Variants in FHOD3 observed in about 807,000 individuals in gnomAD.
FHOD3 encodes formin homology 2 domain containing 3.
FHOD3 carries 90 observed loss-of-function variants against 173.0 expected under a neutral mutation model. That is an observed-to-expected ratio of 0.52 (90% confidence interval 0.44 to 0.62). The LOEUF is 0.62. Ranked by LOEUF, FHOD3 falls within the 20% of genes least tolerant of loss-of-function variation. The pLI is 0.00. For missense variants in FHOD3, 1,945 were observed against 2,034.7 expected (o/e 0.96, Z 0.85); for synonymous variants, 828 against 823.0 (o/e 1.01, Z -0.10).
chr18:36,584,430 A>G (rs554782937), intron 6 of FHOD3, among the ~76,000 whole-genome samples: 2 of 152,354 alleles, frequency 1.3e-5, no homozygotes, highest in African/African-American at 4.8e-5. Flanking sequence ...ATACTGCAAT[A>G]GCATGAGATG....
chr18:36,573,263 A>G lies in FHOD3; in HGVS notation c.512-3188A>G, dbSNP rs527241044. On this transcript the variant is annotated intron_variant, in intron 5 of 28. Transcript: ENST00000590592. ...TCCAAAGAATATATACTCAATCACA[A>G]TGGTTAATATTTTATGGATTTCCTT... Among the ~76,000 whole-genome samples, 6 of 151,998 alleles carry G rather than the reference A, an allele frequency of 3.9e-5. No homozygotes were observed. The South Asian group carries it at 6.2e-4, about 16-fold the overall frequency.
At chr18:36,748,419 G>A (rs867098437) in intron 24 of FHOD3, among the ~76,000 whole-genome samples, 50 of 121,548 alleles carry the variant, frequency 4.1e-4, no homozygotes, top group African/African-American at 1.5e-3. Flanking sequence ...ACACACACAC[G>A]GAGAGAGAAC....
intron 10 of FHOD3, among the ~76,000 whole-genome samples, chr18:36,639,818 T>TA (rs1368725573): frequency 7.6e-6 from 1 of 131,086 alleles, no homozygotes; most frequent in Non-Finnish European, 1.6e-5. Context: ...TAAAGTGTTT[T>TA]TTTTTTTTTT....
At chr18:36,547,862 C>G (rs987521676) in intron 5 of FHOD3, among the ~76,000 whole-genome samples, 1 of 152,140 alleles carries the variant, frequency 6.6e-6, no homozygotes. Flanking sequence ...AGGATTAAAG[C>G]AGAGGAGTAA....
intron 4 of FHOD3, among the ~76,000 whole-genome samples, chr18:36,510,742 A>T (rs1191386677): frequency 6.6e-6 from 1 of 152,232 alleles, no homozygotes; most frequent in Admixed American, 6.5e-5. Context: ...TCCTTTATAC[A>T]TATGAGTGTA....
At chr18:36,330,152 C>A (rs1025195241) in intron 1 of FHOD3, among the ~76,000 whole-genome samples, 1 of 152,280 alleles carries the variant, frequency 6.6e-6, no homozygotes, top group Non-Finnish European at 1.5e-5. Flanking sequence ...TTAACCAGAC[C>A]TATTAGTTTT....
At chr18:36,323,769 G>A (rs1367975532) in intron 1 of FHOD3, among the ~76,000 whole-genome samples, 1 of 152,120 alleles carries the variant, frequency 6.6e-6, no homozygotes, top group African/African-American at 2.4e-5. Context: ...GACCATCCTC[G>A]ACTACTTCAG....
intron 3 of FHOD3, among the ~76,000 whole-genome samples, chr18:36,398,580 G>A (rs2048660942): frequency 6.6e-6 from 1 of 152,112 alleles, no homozygotes; most frequent in South Asian, 2.1e-4. Context: ...TAGTCTCAAT[G>A]ATTTGTTCCA....
intron 19 of FHOD3, among the ~76,000 whole-genome samples, chr18:36,726,669 CT>C (rs749708394): frequency 3.3e-5 from 5 of 151,918 alleles, no homozygotes; most frequent in Admixed American, 6.6e-5. Flanking sequence ...AAAAGTGCCT[CT>C]TTTTTTTCTT....
At chr18:36,375,802 GA>G (rs2146167293) in intron 3 of FHOD3, among the ~76,000 whole-genome samples, 1 of 152,230 alleles carries the variant, frequency 6.6e-6, no homozygotes, top group South Asian at 2.1e-4. Context: ...CCGGAGGTTG[GA>G]ATGAGATTTT....
chr18:36,655,032 T>C (rs1161575193), intron 13 of FHOD3, among the ~76,000 whole-genome samples: 1 of 149,624 alleles, frequency 6.7e-6, no homozygotes, highest in Non-Finnish European at 1.5e-5. Context: ...AGTTGTGAAC[T>C]GAGCTTCTTT....
chr18:36,779,598 G>C lies in FHOD3; in HGVS notation c.*68G>C. ...GCTCTTGCTGGATGAAACCCCTCCA[G>C]GTGGGGTTGGGGAGACTTGATATTC... On this transcript the variant is annotated 3_prime_UTR_variant, in exon 29 of 29. Coordinates refer to ENST00000590592, the MANE Select transcript of FHOD3 (RefSeq NM_001281740.3). 5 of 1,410,170 alleles carry C rather than the reference G, an allele frequency of 3.5e-6. No individual in the cohort carries two copies. The highest frequency in any genetic ancestry group is 5.0e-6 in the Non-Finnish European group (5 of 998,140). The allele number at this position is 1,410,170 out of a possible 1,614,324, so 87.4% of individuals were successfully genotyped here.
chr18:36,487,481 T>C (rs1305336410), intron 3 of FHOD3, among the ~76,000 whole-genome samples: 1 of 152,190 alleles, frequency 6.6e-6, no homozygotes, highest in Non-Finnish European at 1.5e-5. Flanking sequence ...CCTGCCCACT[T>C]CTCTGTATGG....
At chr18:36,632,978 G>A (rs922621233) in intron 10 of FHOD3, among the ~76,000 whole-genome samples, 1 of 152,230 alleles carries the variant, frequency 6.6e-6, no homozygotes, top group Non-Finnish European at 1.5e-5. Context: ...TTTGGCCTTT[G>A]ACTTGGGGTT....
chr18:36,450,421 C>T (rs2051763799), intron 3 of FHOD3, among the ~76,000 whole-genome samples: 1 of 151,498 alleles, frequency 6.6e-6, no homozygotes, highest in African/African-American at 2.4e-5. Context: ...AGTGTTAGAC[C>T]AGTAGCATTT....
chr18:36,413,529 T>C (rs2146935533), intron 3 of FHOD3, among the ~76,000 whole-genome samples: 1 of 152,314 alleles, frequency 6.6e-6, no homozygotes, highest in Non-Finnish European at 1.5e-5. Flanking sequence ...CTGCTTTCCT[T>C]GTGGATTGCA....
At chr18:36,656,944 C>T (rs2036468333) in intron 13 of FHOD3, among the ~76,000 whole-genome samples, 1 of 152,148 alleles carries the variant, frequency 6.6e-6, no homozygotes, top group South Asian at 2.1e-4. Context: ...ATAAATAATG[C>T]TCCAATAAGT....
chr18:36,726,001 T>C (rs1388284485), intron 19 of FHOD3, among the ~76,000 whole-genome samples: 1 of 152,138 alleles, frequency 6.6e-6, no homozygotes, highest in African/African-American at 2.4e-5. Flanking sequence ...TTCATACATA[T>C]ATTCTTTCAT....
At chr18:36,357,635 C>T (rs2046422064) in intron 2 of FHOD3, among the ~76,000 whole-genome samples, 1 of 152,208 alleles carries the variant, frequency 6.6e-6, no homozygotes, top group Non-Finnish European at 1.5e-5. Context: ...AAAATTAACA[C>T]TATTAGGCTG....
Sources: gnomAD v4.1 joint callset for allele counts (sites outside exome capture counted in the v4.1 genomes callset) on GRCh38, gnomAD v4.1.1 for gene constraint, MANE v1.5 for transcripts, NCBI Gene and HGNC (gene_info 2026-07-23, HGNC 2026-07-21) for gene names.